The following HOOK3 variants were observed in gnomAD, a reference collection of about 807,000 sequenced individuals.
HOOK3 encodes the protein hook microtubule tethering protein 3.
In HOOK3, 24 loss-of-function variants were observed where a neutral mutation model predicts 116.3. The ratio of observed to expected loss-of-function variants is 0.21; its 90% CI spans 0.15 to 0.29. The LOEUF (loss-of-function observed/expected upper bound fraction) is 0.29, where lower values mean the gene tolerates loss of function less well. Ranked by LOEUF, HOOK3 falls within the 10% of genes least tolerant of loss-of-function variation. The pLI is 1.00. For missense variants in HOOK3, 632 were observed against 830.2 expected (o/e 0.76, Z 2.93); for synonymous variants, 275 against 283.0 (o/e 0.97, Z 0.28).
intron 9 of HOOK3, among the ~76,000 whole-genome samples, chr8:42,965,475 T>C (rs1406706145): frequency 1.3e-5 from 2 of 152,096 alleles, no homozygotes; most frequent in African/African-American, 4.8e-5. Flanking sequence ...GAAGGGCCCT[T>C]TGACCTTTGG....
chr8:42,926,582 G>A (rs180743655), intron 3 of HOOK3, among the ~76,000 whole-genome samples: 5 of 152,178 alleles, frequency 3.3e-5, no homozygotes, highest in East Asian at 3.9e-4. Flanking sequence ...CATCAAGCCC[G>A]GCCTATATTT....
intron 4 of HOOK3, among the ~76,000 whole-genome samples, chr8:42,937,591 C>G (rs1807997399): frequency 6.6e-6 from 1 of 152,130 alleles, no homozygotes; most frequent in African/African-American, 2.4e-5. Flanking sequence ...TACATTGTGT[C>G]TTTGTTCTCA....
chr8:42,899,825 G>T (rs1489599997), intron 1 of HOOK3, among the ~76,000 whole-genome samples: 1 of 152,200 alleles, frequency 6.6e-6, no homozygotes, highest in Non-Finnish European at 1.5e-5. Context: ...TGGGATGACA[G>T]CCTTATGTAC....
intron 13 of HOOK3, among the ~76,000 whole-genome samples, chr8:42,979,839 A>G (rs1263955783): frequency 6.6e-6 from 1 of 152,074 alleles, no homozygotes; most frequent in Non-Finnish European, 1.5e-5. Context: ...AAATTATTAT[A>G]TATCTTTCTT....
intron 11 of HOOK3, among the ~76,000 whole-genome samples, chr8:42,970,780 G>GTATTTTTTTTTTT (rs1299118892): frequency 7.8e-6 from 1 of 127,922 alleles, no homozygotes; most frequent in African/African-American, 3.4e-5. Flanking sequence ...AGGAATTTGG[G>GTATTTTTTTTTTT]TCTTTTTTTT....
At chr8:43,018,292 A>G in intron 21 of HOOK3, 66 bp from the exon 22 acceptor site, 1 of 1,437,966 alleles carries the variant, frequency 7.0e-7, no homozygotes, top group Non-Finnish European at 9.4e-7. Flanking sequence ...GCATGATGAA[A>G]TTTTCTTTTG....
At chr8:42,924,715 G>A (rs1056585680) in intron 2 of HOOK3, among the ~76,000 whole-genome samples, 14 of 152,166 alleles carry the variant, frequency 9.2e-5, no homozygotes, top group African/African-American at 3.4e-4. Flanking sequence ...GCTCACGCCT[G>A]TAATCCCAGC....
At chr8:43,008,029 TA>T (rs1809525844) in intron 18 of HOOK3, 100 bp downstream of exon 18, 1 of 514,960 alleles carries the variant, frequency 1.9e-6, no homozygotes, top group Non-Finnish European at 3.1e-6. Flanking sequence ...TTTTTATTTT[TA>T]TTTTTTTTGA....
At chr8:42,951,944 AAAAAGAAAAATAC>A (rs1808352355) in intron 6 of HOOK3, among the ~76,000 whole-genome samples, 1 of 152,206 alleles carries the variant, frequency 6.6e-6, no homozygotes, top group Admixed American at 6.5e-5. Context: ...TCTCAAAAAA[AAAAAGAAAAATAC>A]AAAAGAAAAA....
chr8:42,960,335 TG>T (rs1220606753), intron 8 of HOOK3, among the ~76,000 whole-genome samples: 2 of 152,212 alleles, frequency 1.3e-5, no homozygotes, highest in African/African-American at 4.8e-5. Flanking sequence ...CAGAACAGTT[TG>T]CCAATCCCAG....
At chr8:42,927,345 C>G (rs1214456485) in intron 3 of HOOK3, among the ~76,000 whole-genome samples, 4 of 151,398 alleles carry the variant, frequency 2.6e-5, no homozygotes, top group Non-Finnish European at 5.9e-5. Flanking sequence ...CAACCTCCGC[C>G]TCCCGAGTTC....
intron 4 of HOOK3, among the ~76,000 whole-genome samples, chr8:42,936,121 G>T (rs563109791): frequency 2.6e-5 from 4 of 152,104 alleles, no homozygotes; most frequent in African/African-American, 7.2e-5. Flanking sequence ...CTTGTGAGTT[G>T]TGTATTCCTA....
chr8:42,977,991 G>A (rs1271639081), intron 13 of HOOK3, among the ~76,000 whole-genome samples: 11 of 152,118 alleles, frequency 7.2e-5, no homozygotes, highest in Non-Finnish European at 1.3e-4. Context: ...ATCATAATGG[G>A]CTCTGCTGCT....
chr8:42,940,027 C>A (rs1371193240), intron 4 of HOOK3, among the ~76,000 whole-genome samples: 1 of 151,530 alleles, frequency 6.6e-6, no homozygotes, highest in Admixed American at 6.6e-5. Flanking sequence ...GGGCTCCTCA[C>A]ATCCCAGACG....
rs1462689629 is a variant in HOOK3, at chr8:43,023,421, C to CCTTT, written c.*4924_*4925insTTTC. Reference sequence around the variant, plus strand: ...TCCTTCCTTCCTTCCTTCCTTCCTTCCCTTCTTTTCTTTTTTCTTTTCTTT... The same window carrying CCTTT: ...TCCTTCCTTCCTTCCTTCCTTCCTTCCTTTCCTTCTTTTCTTTTTTCTTTTCTTT... On this transcript the variant is annotated 3_prime_UTR_variant, in exon 22 of 22. Coordinates refer to ENST00000307602, the MANE Select transcript of HOOK3 (RefSeq NM_032410.4). 2 of 161,004 alleles carry CCTTT rather than the reference C, an allele frequency of 1.2e-5. No individual in the cohort carries two copies. Among genetic ancestry groups the CCTTT allele is most frequent in the East Asian group, 2.3e-4 (2 of 8,848 alleles). The allele number at this position is 161,004 out of a possible 1,614,324, so 10.0% of individuals were successfully genotyped here. A position where few individuals can be genotyped will look rare whatever the true frequency, so the allele number is the denominator to read the frequency against.
chr8:43,010,487 C>A (rs938498013), intron 19 of HOOK3, 82 bp downstream of exon 19: 9 of 365,118 alleles, frequency 2.5e-5, no homozygotes, highest in African/African-American at 1.5e-4. Flanking sequence ...ACGGACACTA[C>A]AGCAACTTCT....
At chr8:42,922,387 AAAAG>A (rs1253346677) in intron 2 of HOOK3, among the ~76,000 whole-genome samples, 4 of 151,958 alleles carry the variant, frequency 2.6e-5, no homozygotes, top group African/African-American at 9.7e-5. Context: ...ACCAAAAAAA[AAAAG>A]AAAGAAAAAA....
At chr8:42,976,497 G>C (rs1250496906) in intron 13 of HOOK3, among the ~76,000 whole-genome samples, 2 of 151,772 alleles carry the variant, frequency 1.3e-5, no homozygotes, top group Non-Finnish European at 2.9e-5. Flanking sequence ...ACAACAAAAA[G>C]GAAAAGAAAA....
At chr8:42,903,338 C>CTTTTTTTT (rs1164136399) in intron 1 of HOOK3, among the ~76,000 whole-genome samples, 5 of 87,608 alleles carry the variant, frequency 5.7e-5, no homozygotes, top group Middle Eastern at 9.3e-3. Flanking sequence ...TAATAGTTGT[C>CTTTTTTTT]TTTTTTTTTT....
Sources: allele counts gnomAD v4.1 joint callset (sites outside exome capture counted in the v4.1 genomes callset), GRCh38; gene constraint gnomAD v4.1.1; transcripts MANE v1.5; gene names NCBI Gene and HGNC (gene_info 2026-07-23, HGNC 2026-07-21).